DPPA4: variants seen among roughly 807,000 people sequenced by gnomAD.
The protein encoded by DPPA4 is developmental pluripotency associated 4.
Under a neutral mutation model 33.7 loss-of-function variants are expected in DPPA4, and 22 were observed. The ratio of observed to expected loss-of-function variants is 0.65; its 90% CI spans 0.47 to 0.93. The LOEUF (loss-of-function observed/expected upper bound fraction) is 0.93. Among genes scored for constraint, DPPA4 ranks in the 40% least tolerant of loss-of-function variants. The pLI, the probability that DPPA4 is intolerant of heterozygous loss-of-function variation, is 0.00. For synonymous variants in DPPA4, 156 were observed against 132.3 expected, an observed-to-expected ratio of 1.18 and a Z score of -1.23; for missense variants, 340 against 358.6, an observed-to-expected ratio of 0.95 and a Z score of 0.42.
At chr3:109,333,349 CAAAAAAAAAAAAAAAA>C (rs56044946) in intron 2 of DPPA4, 2 of 97,562 alleles carry the variant, frequency 2.0e-5, no homozygotes, top group East Asian at 2.5e-4. Context: ...CTTGGTGTCT[CAAAAAAAAAAAAAAAA>C]AAAAAAAAAA....
chr3:109,336,634 T>TA (rs541934353), intron 1 of DPPA4, among the ~76,000 whole-genome samples: 299 of 152,308 alleles, frequency 2.0e-3, no homozygotes, highest in African/African-American at 6.6e-3. Flanking sequence ...ATCTTTCCTT[T>TA]AACACCCTTT....
Position 109,327,903 on chromosome 3 carries a change from G to T in DPPA4, c.*85C>A. 1 of 1,003,884 alleles carries T rather than the reference G, an allele frequency of 1.0e-6. No homozygotes were observed. The highest frequency in any genetic ancestry group is 1.6e-6 in the Non-Finnish European group (1 of 633,150). The allele number at this position is 1,003,884 out of a possible 1,614,324, so 62.2% of individuals were successfully genotyped here. A position where few individuals can be genotyped will look rare whatever the true frequency, so the allele number is the denominator to read the frequency against. On this transcript the variant is annotated 3_prime_UTR_variant, in exon 7 of 7. Coordinates refer to ENST00000335658, the MANE Select transcript of DPPA4 (RefSeq NM_018189.4). ...CCATAAACAGGTGCAGAGGACCAGA[G>T]TTCACCTGTCAGCAGCACCGCAGAA...
Position 109,333,996 on chromosome 3 carries a change from G to C in DPPA4, c.55-3C>G. ...CTCGACTTCTCTGTGGAGGTCCACTGGGGAACAGAGGAGCTGGTCAGTCAT... is the reference window on the plus strand; with the variant it reads ...CTCGACTTCTCTGTGGAGGTCCACTCGGGAACAGAGGAGCTGGTCAGTCAT... On this transcript the variant is annotated splice_polypyrimidine_tract_variant and splice_region_variant and intron_variant, in intron 1 of 6. Transcript: ENST00000335658. The C allele has an allele frequency of 6.2e-7, 1 of 1,613,756 alleles. No homozygotes were observed. Among genetic ancestry groups the C allele is most frequent in the Non-Finnish European group, 8.5e-7 (1 of 1,179,868 alleles).
chr3:109,338,769 T>C (rs2107356995), upstream of DPPA4, among the ~76,000 whole-genome samples: 1 of 152,320 alleles, frequency 6.6e-6, no homozygotes, highest in Middle Eastern at 3.4e-3. Context: ...ATTAGGGCTT[T>C]GATTTAACAA....
In DPPA4 at chr3:109,332,455, T is replaced by A. The variant is rs143159164; in HGVS notation, c.179-424A>T. 1.2e-4 allele frequency among the ~76,000 whole-genome samples: 18 copies of A among 152,256 alleles called. No individual in the cohort carries two copies. In the East Asian group the frequency reaches 2.7e-3, roughly 23 times the overall value. ...CCTCTCAAACCTAGGATTTACCACTTCTAAAACCCAGTTTTATTCCTAAAT... is the reference window on the plus strand; with the variant it reads ...CCTCTCAAACCTAGGATTTACCACTACTAAAACCCAGTTTTATTCCTAAAT... On this transcript the variant is annotated intron_variant, in intron 2 of 6. Transcript: ENST00000335658.
chr3:109,337,584 A>G, upstream of DPPA4: 2 of 1,466,150 alleles, frequency 1.4e-6, no homozygotes, highest in Non-Finnish European at 1.9e-6. Context: ...CTGCCGCCCG[A>G]AGACCCTTTT....
At chr3:109,328,092 G>T in intron 6 of DPPA4, 68 bp from the exon 7 acceptor site, 1 of 1,022,034 alleles carries the variant, frequency 9.8e-7, no homozygotes, top group Non-Finnish European at 1.5e-6. Flanking sequence ...CAAGAAACCC[G>T]CTGCTGGAAT....
intron 6 of DPPA4, among the ~76,000 whole-genome samples, 173 bp from the exon 7 acceptor site, chr3:109,328,197 C>T (rs78423291): frequency 1.2e-3 from 178 of 152,258 alleles, no homozygotes; most frequent in African/African-American, 3.9e-3. Context: ...GTTATCATGC[C>T]TCTGTAATAT....
At chr3:109,330,421 G>A in intron 5 of DPPA4, 103 bp downstream of exon 5, 1 of 1,314,478 alleles carries the variant, frequency 7.6e-7, no homozygotes, top group Admixed American at 1.8e-5. Context: ...GGAATCACCG[G>A]CCCTCAAAGG....
Position 109,330,816 on chromosome 3 carries a change from CAA to C in DPPA4, c.391-6_391-5del, listed in dbSNP as rs35734174. The C allele has an allele frequency of 2.7e-5, 43 of 1,586,998 alleles. No individual in the cohort carries two copies. Among genetic ancestry groups the C allele is most frequent in the Non-Finnish European group, 3.6e-5 (42 of 1,170,502 alleles). ...CTTTTGCTGTGCTAGGAAAATCCTA[CAA>C]AAAGGGTTAAATAATAAAGATAAAA... On this transcript the variant is annotated splice_polypyrimidine_tract_variant and splice_region_variant and intron_variant, in intron 4 of 6. Coordinates refer to ENST00000335658, the MANE Select transcript of DPPA4 (RefSeq NM_018189.4).
chr3:109,337,673 T>C (rs1005149778), upstream of DPPA4: 2 of 663,302 alleles, frequency 3.0e-6, no homozygotes, highest in African/African-American at 3.6e-5. Flanking sequence ...ATTGCATTCT[T>C]TCTTATTCAT....
rs1353753150 is a variant in DPPA4, at chr3:109,326,367, T to C, written c.*1621A>G. 6.6e-6 allele frequency: 1 copy of C among 150,502 alleles called. No homozygotes were observed. Among genetic ancestry groups the C allele is most frequent in the African/African-American group, 2.5e-5 (1 of 39,824 alleles). 9.3% of individuals were successfully genotyped at this position (150,502 alleles called of 1,614,324 possible). Reference sequence around the variant, plus strand: ...AATACACATAGTATAAGAAAAAATGTCTATTATTTATTACACAATAATTCT... The same window carrying C: ...AATACACATAGTATAAGAAAAAATGCCTATTATTTATTACACAATAATTCT... On this transcript the variant is annotated 3_prime_UTR_variant, in exon 7 of 7. Transcript: ENST00000335658.
At position 109,328,894 on chromosome 3, in the gene DPPA4, G is replaced by T; in HGVS notation, c.874C>A (p.His292Asn). The change falls in exon 6 of 7, where the codon CAC (histidine) becomes AAC (asparagine). Residue 292 changes from histidine to asparagine, a missense_variant. His to Asn is a moderately conservative substitution (Grantham distance 68, BLOSUM62 1). Around this residue, in one of 3 missense-constraint regions of DPPA4, gnomAD observed 212 missense variants for 206.5 expected, o/e 1.03. Transcript: ENST00000335658. ...EDNMLCPKCVHRNKVLIKSLQ... is the reference protein window; with the variant it reads ...EDNMLCPKCVNRNKVLIKSLQ... ...AGAAAAGCATCAGGTAATTACCTGTGAACACATTTGGGGCACAACATATTG... is the reference window on the plus strand; with the variant it reads ...AGAAAAGCATCAGGTAATTACCTGTTAACACATTTGGGGCACAACATATTG... 1 of 1,613,388 alleles carries T rather than the reference G, an allele frequency of 6.2e-7. No individual in the cohort carries two copies. Among genetic ancestry groups the T allele is most frequent in the Non-Finnish European group, 8.5e-7 (1 of 1,179,632 alleles).
At chr3:109,335,522 C>T (rs941424192) in intron 1 of DPPA4, among the ~76,000 whole-genome samples, 8 of 152,154 alleles carry the variant, frequency 5.3e-5, no homozygotes, top group Non-Finnish European at 1.0e-4. Flanking sequence ...TCCATCTCCC[C>T]GGTTTAAGCA....
At chr3:109,338,246 C>T (rs1036563494), upstream of DPPA4, among the ~76,000 whole-genome samples, 10 of 152,112 alleles carry the variant, frequency 6.6e-5, no homozygotes, top group African/African-American at 2.2e-4. Flanking sequence ...TTTTTTATAT[C>T]TCAAATTGTG....
intron 1 of DPPA4, among the ~76,000 whole-genome samples, chr3:109,335,662 T>A (rs1281526774): frequency 6.6e-6 from 1 of 151,804 alleles, no homozygotes; most frequent in African/African-American, 2.4e-5. Flanking sequence ...ACTCCTGGCC[T>A]CAAGTGATCC....
At chr3:109,331,238 G>T (rs796083422) in intron 4 of DPPA4, among the ~76,000 whole-genome samples, 5 of 105,034 alleles carry the variant, frequency 4.8e-5, no homozygotes, top group African/African-American at 1.9e-4. Flanking sequence ...TGCAGCCTAA[G>T]TGACAGAGGG....
intron 1 of DPPA4, among the ~76,000 whole-genome samples, chr3:109,335,217 A>T (rs1708166414): frequency 6.6e-6 from 1 of 152,170 alleles, no homozygotes; most frequent in African/African-American, 2.4e-5. Flanking sequence ...CAGTGACAGG[A>T]CCATAGCTCA....
intron 2 of DPPA4, 21 bp downstream of exon 2, chr3:109,333,849 G>T: frequency 6.2e-7 from 1 of 1,610,196 alleles, no homozygotes; most frequent in South Asian, 1.1e-5. Flanking sequence ...GGTGGGATTT[G>T]AGAATTTGAA....
Sources: gnomAD v4.1 joint callset for allele counts (sites outside exome capture counted in the v4.1 genomes callset) on GRCh38, gnomAD v4.1.1 for gene constraint, gnomAD v4.1.1 regional missense constraint, MANE v1.5 for transcripts, NCBI Gene and HGNC (gene_info 2026-07-23, HGNC 2026-07-21) for gene names.